FBXO4: variants seen among roughly 807,000 people sequenced by gnomAD.
FBXO4 encodes the protein F-box protein 4.
A neutral mutation model predicts 43.7 loss-of-function variants in FBXO4; 36 were observed. The observed-to-expected ratio is 0.82, with a 90% CI of 0.63 to 1.09. The LOEUF is 1.09. Ranked by LOEUF, FBXO4 falls within the 50% of genes least tolerant of loss-of-function variation. The probability of loss-of-function intolerance (pLI) is 0.00; values close to 1 mark genes in which losing one functional copy is unlikely to be tolerated. For synonymous variants in FBXO4, 180 were observed against 165.6 expected (o/e 1.09, Z -0.67); for missense variants, 435 against 474.1 (o/e 0.92, Z 0.77).
the FBXO4 span, among the ~76,000 whole-genome samples, chr5:42,038,436 T>A: frequency 6.6e-6 from 1 of 152,070 alleles, no homozygotes. Flanking sequence ...TTCCAGGAAC[T>A]GGTTTTATTT....
the FBXO4 span, among the ~76,000 whole-genome samples, chr5:42,020,245 T>C: frequency 6.6e-6 from 1 of 152,152 alleles, no homozygotes; most frequent in Non-Finnish European, 1.5e-5. Flanking sequence ...GGGATAGTAA[T>C]CTAAACTTTC....
At chr5:41,959,518 T>G in the FBXO4 span, among the ~76,000 whole-genome samples, 1 of 152,148 alleles carries the variant, frequency 6.6e-6, no homozygotes, top group African/African-American at 2.4e-5. Flanking sequence ...TAGTTTTTGG[T>G]ATTATATTTG....
the FBXO4 span, among the ~76,000 whole-genome samples, chr5:42,025,565 TTTTGC>T: frequency 6.6e-6 from 1 of 152,070 alleles, no homozygotes. Context: ...ATTTATTCAT[TTTTGC>T]TTTGGTTGCC....
chr5:41,984,015 C>T, the FBXO4 span, among the ~76,000 whole-genome samples: 3 of 151,832 alleles, frequency 2.0e-5, no homozygotes, highest in African/African-American at 7.3e-5. Flanking sequence ...ATATGTTCTT[C>T]TCATAATACA....
chr5:42,038,656 A>G, the FBXO4 span, among the ~76,000 whole-genome samples: 1 of 152,068 alleles, frequency 6.6e-6, no homozygotes, highest in African/African-American at 2.4e-5. Context: ...AAAGCATACA[A>G]TAAATTACTG....
intron 5 of FBXO4, among the ~76,000 whole-genome samples, chr5:41,935,617 T>C (rs1751829622): frequency 6.6e-6 from 1 of 152,204 alleles, no homozygotes; most frequent in Admixed American, 6.5e-5. Context: ...TTTCTACCAA[T>C]ACAGGGCAGA....
chr5:41,981,694 G>A, the FBXO4 span, among the ~76,000 whole-genome samples: 1 of 150,018 alleles, frequency 6.7e-6, no homozygotes, highest in Non-Finnish European at 1.5e-5. Context: ...TTATTTGTTA[G>A]GTGTCCTCTA....
the FBXO4 span, among the ~76,000 whole-genome samples, chr5:41,981,397 T>C: frequency 4.6e-5 from 7 of 151,364 alleles, no homozygotes; most frequent in South Asian, 8.3e-4. Context: ...TTTTAAATGG[T>C]AAATTAAAAA....
At chr5:41,987,960 C>T in the FBXO4 span, among the ~76,000 whole-genome samples, 2 of 152,076 alleles carry the variant, frequency 1.3e-5, no homozygotes, top group African/African-American at 4.8e-5. Context: ...TGCCAATGGC[C>T]CTGCCATATC....
At chr5:41,953,614 C>T in the FBXO4 span, among the ~76,000 whole-genome samples, 104 of 150,896 alleles carry the variant, frequency 6.9e-4, no homozygotes, top group African/African-American at 2.4e-3. Flanking sequence ...GTCCCACCAA[C>T]AGTGTAAAAG....
the FBXO4 span, chr5:41,967,570 C>T: frequency 4.3e-4 from 472 of 1,086,942 alleles, 1 homozygote; most frequent in African/African-American, 6.7e-3. Flanking sequence ...TTGCAATAGG[C>T]ATTACAACAT....
chr5:42,036,395 T>C, the FBXO4 span, among the ~76,000 whole-genome samples: 3 of 152,128 alleles, frequency 2.0e-5, no homozygotes, highest in Non-Finnish European at 4.4e-5. Context: ...CTACCTGTTT[T>C]GATAAAACGT....
the FBXO4 span, among the ~76,000 whole-genome samples, chr5:42,006,985 T>TTA: frequency 1.4e-5 from 2 of 145,862 alleles, no homozygotes; most frequent in African/African-American, 2.5e-5. Flanking sequence ...TATATCAATA[T>TTA]TATATATATC....
the FBXO4 span, among the ~76,000 whole-genome samples, chr5:41,977,397 A>G: frequency 6.6e-6 from 1 of 152,140 alleles, no homozygotes; most frequent in Non-Finnish European, 1.5e-5. Flanking sequence ...TAAGTCATTT[A>G]TTTGTTCCCA....
chr5:41,927,336 C>G lies in FBXO4; in HGVS notation c.425+88C>G. On this transcript the variant is annotated intron_variant, in intron 2 of 6. Coordinates refer to ENST00000281623, the MANE Select transcript of FBXO4 (RefSeq NM_012176.3). ...ATCCAAGTTAATCCTGACCCTGCTA[C>G]TGATTTGTTGCGTGGATTTGGGGTC... 4.0e-6 allele frequency: 4 copies of G among 988,884 alleles called. No individual in the cohort carries two copies. The South Asian group carries it at 6.7e-5, about 17-fold the overall frequency. The allele number at this position is 988,884 out of a possible 1,614,324, so 61.3% of individuals were successfully genotyped here. A position where few individuals can be genotyped will look rare whatever the true frequency, so the allele number is the denominator to read the frequency against.
At chr5:42,036,889 A>G in the FBXO4 span, among the ~76,000 whole-genome samples, 1 of 152,166 alleles carries the variant, frequency 6.6e-6, no homozygotes, top group African/African-American at 2.4e-5. Context: ...TCATCTTAAT[A>G]TGATGGTCTG....
At chr5:42,000,060 G>T in the FBXO4 span, among the ~76,000 whole-genome samples, 1 of 152,088 alleles carries the variant, frequency 6.6e-6, no homozygotes, top group Non-Finnish European at 1.5e-5. Context: ...ATATATAAGT[G>T]ATATCATGCA....
chr5:42,008,074 A>G, the FBXO4 span, among the ~76,000 whole-genome samples: 1 of 152,282 alleles, frequency 6.6e-6, no homozygotes, highest in Non-Finnish European at 1.5e-5. Context: ...AGACATTGTG[A>G]TGTTACCATT....
the FBXO4 span, among the ~76,000 whole-genome samples, chr5:41,981,712 TTTTTTGG>T: frequency 6.6e-6 from 1 of 151,300 alleles, no homozygotes; most frequent in Admixed American, 6.6e-5. Flanking sequence ...CTAATTTCTT[TTTTTTGG>T]TTTTTGGTTT....
Sources: allele counts gnomAD v4.1 joint callset (sites outside exome capture counted in the v4.1 genomes callset), GRCh38; gene constraint gnomAD v4.1.1; transcripts MANE v1.5; gene names NCBI Gene and HGNC (gene_info 2026-07-23, HGNC 2026-07-21).